The following CTNNA2 variants were observed in gnomAD, a reference collection of about 807,000 sequenced individuals.
CTNNA2 encodes catenin alpha-2.
Under a neutral mutation model 101.0 loss-of-function variants are expected in CTNNA2, and 42 were observed. The observed-to-expected ratio is 0.42, with a 90% CI of 0.32 to 0.54. The LOEUF is 0.54. CTNNA2 is among the 20% of genes least tolerant of loss of function. The pLI is 0.14. For missense variants in CTNNA2, 871 were observed against 1,223.1 expected (o/e 0.71, Z 4.29); for synonymous variants, 450 against 456.4 (o/e 0.99, Z 0.18).
chr2:80,303,364 G>A lies in CTNNA2; in HGVS notation c.1057-89847G>A. The A allele has an allele frequency of 1.2e-6, 2 of 1,614,110 alleles. No homozygotes were observed. Among genetic ancestry groups the A allele is most frequent in the South Asian group, 2.2e-5 (2 of 91,074 alleles). On this transcript the variant is annotated intron_variant, in intron 7 of 18. Transcript: ENST00000402739. The surrounding 1 kb of genome is among the most constrained non-coding windows in gnomAD (Gnocchi z 7.7). The stretch of plus-strand genomic sequence containing the variant: ...GCAGCCCGTGGAAGAGGTCGGGCGC[G>A]AGCGCCTGCAGCTTGTTGTACGAGA...
At chr2:80,205,949 A>T (rs1393207348) in intron 7 of CTNNA2, among the ~76,000 whole-genome samples, 1 of 152,236 alleles carries the variant, frequency 6.6e-6, no homozygotes, top group African/African-American at 2.4e-5. Context: ...AAACATATTT[A>T]TAAAGCACTT....
intron 1 of CTNNA2, among the ~76,000 whole-genome samples, chr2:79,527,474 C>CAAAAA (rs58822666): frequency 1.1e-4 from 9 of 85,222 alleles, no homozygotes; most frequent in African/African-American, 1.5e-4. Context: ...ACTAAAAATA[C>CAAAAA]AAAAAAAAAA....
chr2:79,586,295 A>C (rs1676481432), intron 1 of CTNNA2, among the ~76,000 whole-genome samples: 1 of 151,816 alleles, frequency 6.6e-6, no homozygotes, highest in Non-Finnish European at 1.5e-5. Context: ...CACCTCCTAA[A>C]ACTCTGCCCT....
At chr2:80,419,696 T>G (rs1680348079) in intron 9 of CTNNA2, 95 bp downstream of exon 9, 1 of 1,308,926 alleles carries the variant, frequency 7.6e-7, no homozygotes, top group Non-Finnish European at 1.0e-6. Flanking sequence ...TTCTATTGTA[T>G]TTTTGGAGAA....
At chr2:80,414,623 G>T (rs964025219) in intron 8 of CTNNA2, among the ~76,000 whole-genome samples, 1 of 152,140 alleles carries the variant, frequency 6.6e-6, no homozygotes, top group Non-Finnish European at 1.5e-5. Context: ...AGTTGAGGAC[G>T]TATGACCCAG....
chr2:80,341,616 A>G (rs1672255167), intron 7 of CTNNA2, among the ~76,000 whole-genome samples: 1 of 152,188 alleles, frequency 6.6e-6, no homozygotes, highest in Non-Finnish European at 1.5e-5. Context: ...GACAATAATA[A>G]GTGTGGGAGA....
In CTNNA2 at chr2:80,075,652, A is replaced by ATTTT. The variant is rs1558783608; in HGVS notation, c.1056+165855_1056+165856insTTTT. Among the ~76,000 whole-genome samples, 4 of 94,886 alleles carry ATTTT rather than the reference A, an allele frequency of 4.2e-5. 1 individual carries two copies. The highest frequency in any genetic ancestry group is 1.8e-4 in the African/African-American group (4 of 21,966). 62.2% of individuals were successfully genotyped at this position (94,886 alleles called of 152,430 possible). ...TTTATACATGTATAAATATTATAAA[A>ATTTT]ATAATATTTATACATGTATAAATAT... On this transcript the variant is annotated intron_variant, in intron 7 of 18. Transcript: ENST00000402739.
intron 8 of CTNNA2, among the ~76,000 whole-genome samples, chr2:80,395,823 T>G (rs1288077602): frequency 6.6e-6 from 1 of 152,230 alleles, no homozygotes; most frequent in Admixed American, 6.5e-5. Flanking sequence ...ACACATGTAT[T>G]CCTTTGTATA....
At chr2:80,072,794 C>G (rs561841320) in intron 7 of CTNNA2, among the ~76,000 whole-genome samples, 1 of 152,188 alleles carries the variant, frequency 6.6e-6, no homozygotes, top group African/African-American at 2.4e-5. Context: ...TAGGGAGGGT[C>G]AAGGGCCACT....
chr2:80,487,891 A>T (rs538576828), intron 9 of CTNNA2, among the ~76,000 whole-genome samples: 1 of 152,134 alleles, frequency 6.6e-6, no homozygotes, highest in Non-Finnish European at 1.5e-5. Context: ...GTTACTTTTG[A>T]TATATTTTTT....
chr2:80,645,395 T>C (rs1673965024), intron 18 of CTNNA2, among the ~76,000 whole-genome samples: 1 of 152,160 alleles, frequency 6.6e-6, no homozygotes, highest in African/African-American at 2.4e-5. Context: ...GTAAAATTCA[T>C]GTGAGATAAC....
chr2:80,155,211 A>C (rs1703938598), intron 7 of CTNNA2, among the ~76,000 whole-genome samples: 1 of 152,230 alleles, frequency 6.6e-6, no homozygotes. Context: ...TAATGGTCTT[A>C]AGAAAGCTCA....
At chr2:79,410,235 T>C (rs1291701696) in intron 4 of CTNNA2, among the ~76,000 whole-genome samples, 1 of 145,822 alleles carries the variant, frequency 6.9e-6, no homozygotes, top group Non-Finnish European at 1.5e-5. Flanking sequence ...TATACAATCA[T>C]GTCATCTGCA....
chr2:80,619,920 C>G (rs1407786928), intron 18 of CTNNA2, among the ~76,000 whole-genome samples: 1 of 151,804 alleles, frequency 6.6e-6, no homozygotes, highest in Non-Finnish European at 1.5e-5. Context: ...GCTATTGTTT[C>G]ATTTGGGTTT....
chr2:80,291,731 T>G (rs1285949146), intron 7 of CTNNA2, among the ~76,000 whole-genome samples: 1 of 152,144 alleles, frequency 6.6e-6, no homozygotes, highest in Admixed American at 6.5e-5. Flanking sequence ...AGCAAACAGC[T>G]CAGATGTGGA....
intron 3 of CTNNA2, among the ~76,000 whole-genome samples, chr2:79,356,576 C>T (rs1441221785): frequency 6.6e-6 from 1 of 152,060 alleles, no homozygotes; most frequent in Non-Finnish European, 1.5e-5. Context: ...AGCAGAAATA[C>T]CAATAAGATG....
At chr2:80,209,602 G>GACAC (rs139384928) in intron 7 of CTNNA2, among the ~76,000 whole-genome samples, 18 of 145,484 alleles carry the variant, frequency 1.2e-4, no homozygotes, top group African/African-American at 3.7e-4. Flanking sequence ...CATACACACA[G>GACAC]ACACACACAC....
chr2:79,402,887 T>A (rs1055248818), intron 4 of CTNNA2, among the ~76,000 whole-genome samples: 27 of 151,736 alleles, frequency 1.8e-4, no homozygotes, highest in African/African-American at 6.3e-4. Flanking sequence ...TAAAAGAAAT[T>A]GCTTAAATGA....
At chr2:80,641,194 C>T (rs116271876) in intron 18 of CTNNA2, among the ~76,000 whole-genome samples, 2,386 of 152,226 alleles carry the variant, frequency 0.016, 59 homozygotes, top group African/African-American at 0.054. Context: ...AAGTAAACAC[C>T]TCAGTTCTTT....
Sources: gnomAD v4.1 joint callset for allele counts (sites outside exome capture counted in the v4.1 genomes callset) on GRCh38, gnomAD v4.1.1 for gene constraint, Gnocchi (gnomAD v3.1) non-coding constraint, MANE v1.5 for transcripts, NCBI Gene and HGNC (gene_info 2026-07-23, HGNC 2026-07-21) for gene names.